LIN52: variants seen among roughly 807,000 people sequenced by gnomAD.
LIN52 encodes the protein protein lin-52 homolog.
In LIN52, 4 loss-of-function variants were observed where a neutral mutation model predicts 18.5. The observed-to-expected ratio is 0.22, with a 90% confidence interval of 0.11 to 0.49. The LOEUF (loss-of-function observed/expected upper bound fraction) is 0.49. Ranked by LOEUF, LIN52 falls within the 20% of genes least tolerant of loss-of-function variation. The probability of loss-of-function intolerance (pLI) is 0.97; values close to 1 mark genes in which losing one functional copy is unlikely to be tolerated. For synonymous variants in LIN52, 34 were observed against 45.5 expected (o/e 0.75, Z 1.02); for missense variants, 102 against 139.5 (o/e 0.73, Z 1.35).
chr14:74,156,341 A>G (rs2061199109), intron 5 of LIN52, among the ~76,000 whole-genome samples: 1 of 152,190 alleles, frequency 6.6e-6, no homozygotes, highest in Non-Finnish European at 1.5e-5. Context: ...ATGTCAATCT[A>G]CAATTCTAAT....
intron 5 of LIN52, among the ~76,000 whole-genome samples, chr14:74,195,090 G>A (rs1243120518): frequency 6.6e-6 from 1 of 152,090 alleles, no homozygotes; most frequent in Non-Finnish European, 1.5e-5. Flanking sequence ...AGGTTGCAGT[G>A]AGCTGAGATT....
At chr14:74,103,749 T>G (rs934564275) in intron 5 of LIN52, among the ~76,000 whole-genome samples, 8 of 139,054 alleles carry the variant, frequency 5.8e-5, no homozygotes, top group African/African-American at 2.1e-4. Flanking sequence ...TTTTTTTTTT[T>G]TTTTTTTTTT....
intron 5 of LIN52, among the ~76,000 whole-genome samples, chr14:74,102,845 C>T (rs2060867455): frequency 6.6e-6 from 1 of 152,174 alleles, no homozygotes; most frequent in Admixed American, 6.5e-5. Flanking sequence ...TGCTTTCCTA[C>T]TGAGAAAGGT....
intron 5 of LIN52, among the ~76,000 whole-genome samples, chr14:74,111,958 G>A (rs900172872): frequency 1.3e-5 from 2 of 151,702 alleles, no homozygotes; most frequent in East Asian, 1.9e-4. Flanking sequence ...TCAGCTCACC[G>A]CAACCTCCGC....
intron 5 of LIN52, among the ~76,000 whole-genome samples, chr14:74,139,912 G>A (rs1404114309): frequency 6.6e-6 from 1 of 152,144 alleles, no homozygotes; most frequent in Non-Finnish European, 1.5e-5. Context: ...GAGGTAGACT[G>A]TGGTGATATT....
At chr14:74,111,054 T>C (rs2060923685) in intron 5 of LIN52, among the ~76,000 whole-genome samples, 1 of 152,228 alleles carries the variant, frequency 6.6e-6, no homozygotes, top group Admixed American at 6.5e-5. Context: ...TATACAACTT[T>C]ACTATTTGGT....
At chr14:74,164,319 C>G (rs1384466112) in intron 5 of LIN52, among the ~76,000 whole-genome samples, 1 of 148,630 alleles carries the variant, frequency 6.7e-6, no homozygotes, top group Non-Finnish European at 1.5e-5. Context: ...GGGTCTCACT[C>G]TGTCACCTAG....
rs2061005857 is a variant in LIN52, at chr14:74,122,485, AAT to A, written c.283+21250_283+21251del. Among the ~76,000 whole-genome samples the A allele has an allele frequency of 5.3e-5, 8 of 152,322 alleles. No individual in the cohort carries two copies. In the South Asian group the frequency reaches 1.4e-3, roughly 28 times the overall value. On this transcript the variant is annotated intron_variant, in intron 5 of 5. Transcript: ENST00000555028. ...TATTCTTTGTTTCTATTTTATTTAA[AAT>A]ATGTTAGGATATTTTAGGCTCTAGA...
chr14:74,098,164 C>G (rs1041988627), intron 4 of LIN52, among the ~76,000 whole-genome samples: 1 of 151,954 alleles, frequency 6.6e-6, no homozygotes, highest in African/African-American at 2.4e-5. Context: ...CATTTAATTC[C>G]CATAAAGGTC....
At chr14:74,195,350 C>T (rs1223863940) in intron 5 of LIN52, among the ~76,000 whole-genome samples, 2 of 152,154 alleles carry the variant, frequency 1.3e-5, no homozygotes, top group Non-Finnish European at 2.9e-5. Context: ...TTATACCAAG[C>T]TACAACCATT....
rs897404778 is a variant in LIN52 at position 74,140,257 on chromosome 14, C to T, written c.283+39019C>T. On this transcript the variant is annotated intron_variant, in intron 5 of 5. Transcript: ENST00000555028. ...AGCACTTTGTCTACTGCAGAATGTG[C>T]ATGATTTTGCCCTAGTTATGGTGAC... is the stretch of plus-strand genomic sequence containing the variant. 2.0e-5 allele frequency among the ~76,000 whole-genome samples: 3 copies of T among 152,250 alleles called. No individual in the cohort carries two copies. The South Asian group carries it at 6.2e-4, about 32-fold the overall frequency.
rs1054467910 is a variant in LIN52, at chr14:74,125,601, C to G, written c.283+24363C>G. On this transcript the variant is annotated intron_variant, in intron 5 of 5. Coordinates refer to ENST00000555028, the MANE Select transcript of LIN52 (RefSeq NM_001024674.3). ...GACACATTCACATGTATGTTTATTG[C>G]GGCACTATTCACAATAGCAAAGACT... Among the ~76,000 whole-genome samples the G allele has an allele frequency of 2.6e-5, 4 of 151,944 alleles. No individual in the cohort carries two copies. In the East Asian group the frequency reaches 7.7e-4, roughly 29 times the overall value.
chr14:74,129,678 A>C (rs969743561), intron 5 of LIN52, among the ~76,000 whole-genome samples: 4 of 152,102 alleles, frequency 2.6e-5, no homozygotes, highest in Non-Finnish European at 5.9e-5. Flanking sequence ...CATAGTGAGA[A>C]CCCATCTGTA....
chr14:74,098,032 T>C (rs912375703), intron 4 of LIN52, among the ~76,000 whole-genome samples, 172 bp downstream of exon 4: 2 of 152,174 alleles, frequency 1.3e-5, no homozygotes, highest in African/African-American at 4.8e-5. Context: ...CTTTTCCATG[T>C]GTAGAAATCC....
At chr14:74,171,394 G>A (rs2061269934) in intron 5 of LIN52, among the ~76,000 whole-genome samples, 1 of 150,562 alleles carries the variant, frequency 6.6e-6, no homozygotes, top group African/African-American at 2.4e-5. Context: ...ACAAAAGTCT[G>A]TTGTATTTTT....
chr14:74,134,160 A>G (rs1212045403), intron 5 of LIN52, among the ~76,000 whole-genome samples: 1 of 152,144 alleles, frequency 6.6e-6, no homozygotes, highest in Admixed American at 6.5e-5. Context: ...CTTTTTCATT[A>G]TCTGCAATTT....
intron 5 of LIN52, among the ~76,000 whole-genome samples, chr14:74,183,913 C>A (rs750271531): frequency 1.3e-5 from 2 of 152,060 alleles, no homozygotes; most frequent in African/African-American, 4.8e-5. Flanking sequence ...ATGTCCAGTT[C>A]GGCTCAAAAT....
chr14:74,144,629 C>T (rs545798892), intron 5 of LIN52, among the ~76,000 whole-genome samples: 2 of 152,280 alleles, frequency 1.3e-5, no homozygotes, highest in South Asian at 2.1e-4. Flanking sequence ...GTCAGCTTGT[C>T]GCTTTCAAGA....
chr14:74,103,354 C>T (rs1316110807), intron 5 of LIN52, among the ~76,000 whole-genome samples: 2 of 151,818 alleles, frequency 1.3e-5, no homozygotes, highest in East Asian at 3.9e-4. Context: ...GCTGAGATTA[C>T]AGGCATGAGC....
Sources: allele counts gnomAD v4.1 joint callset (sites outside exome capture counted in the v4.1 genomes callset), GRCh38; gene constraint gnomAD v4.1.1; transcripts MANE v1.5; gene names NCBI Gene and HGNC (gene_info 2026-07-23, HGNC 2026-07-21).